The following RIMOC1 variants were observed in gnomAD, a reference collection of about 807,000 sequenced individuals.
RIMOC1 encodes the protein RAB7A interacting MON1-CCZ1 complex subunit 1, also known as RAB7A-interacting MON1-CCZ1 complex subunit 1.
the RIMOC1 span, among the ~76,000 whole-genome samples, chr5:41,912,690 C>T: frequency 1.3e-5 from 2 of 152,174 alleles, no homozygotes; most frequent in African/African-American, 2.4e-5. Context: ...CTCACTATCA[C>T]GAGAACAGAA....
chr5:41,908,510 A>G, the RIMOC1 span: 1 of 152,146 alleles, frequency 6.6e-6, no homozygotes, highest in Non-Finnish European at 1.5e-5. Flanking sequence ...ACACTTAGTT[A>G]GGCTTCCAAA....
At chr5:41,911,389 T>C in the RIMOC1 span, 4 of 347,180 alleles carry the variant, frequency 1.2e-5, no homozygotes, top group East Asian at 2.0e-4. Flanking sequence ...TCTGCGAAGT[T>C]CTTTTTTTAA....
the RIMOC1 span, chr5:41,911,154 T>C: frequency 1.2e-6 from 2 of 1,605,560 alleles, no homozygotes; most frequent in Non-Finnish European, 1.7e-6. Context: ...GAGTGGCTCT[T>C]AAGAAAATCC....
At chr5:41,911,917 G>A in the RIMOC1 span, 2 of 604,726 alleles carry the variant, frequency 3.3e-6, no homozygotes, top group Non-Finnish European at 5.8e-6. Context: ...TTGGGATGGT[G>A]GGTCTTTATA....
the RIMOC1 span, chr5:41,907,915 A>G: frequency 1.2e-6 from 1 of 854,674 alleles, no homozygotes; most frequent in Non-Finnish European, 1.8e-6. Context: ...CTCCAACTTT[A>G]GGTAAAATGA....
At chr5:41,907,296 G>A in the RIMOC1 span, among the ~76,000 whole-genome samples, 2 of 152,098 alleles carry the variant, frequency 1.3e-5, no homozygotes, top group Non-Finnish European at 2.9e-5. Context: ...ATTTGATTTG[G>A]TCAATCATGG....
At chr5:41,920,056 A>C in the RIMOC1 span, 20 of 152,174 alleles carry the variant, frequency 1.3e-4, no homozygotes, top group Non-Finnish European at 2.5e-4. Context: ...CTGACAAGGC[A>C]TATAGGGATA....
chr5:41,918,580 G>T, the RIMOC1 span: 174 of 985,344 alleles, frequency 1.8e-4, no homozygotes, highest in Middle Eastern at 5.2e-4. Context: ...CCTTTTCGGG[G>T]ATGCTGAGTT....
the RIMOC1 span, chr5:41,908,501 C>T: frequency 1.3e-5 from 2 of 152,084 alleles, no homozygotes; most frequent in Non-Finnish European, 2.9e-5. Context: ...AAGTACAGTA[C>T]ACTTAGTTAG....
chr5:41,912,028 C>A, the RIMOC1 span: 2 of 1,152,014 alleles, frequency 1.7e-6, no homozygotes, highest in Non-Finnish European at 2.6e-6. Flanking sequence ...TATATCTCTG[C>A]ATATAATACT....
At chr5:41,908,313 C>CT in the RIMOC1 span, 1 of 153,032 alleles carries the variant, frequency 6.5e-6, no homozygotes, top group African/African-American at 2.4e-5. Flanking sequence ...AATCAGGCTG[C>CT]TGTGTGGACA....
At chr5:41,921,257 T>G in the RIMOC1 span, 34 of 152,604 alleles carry the variant, frequency 2.2e-4, no homozygotes, top group Non-Finnish European at 4.7e-4. Flanking sequence ...AAGGCATTCT[T>G]AGATTCATTT....
the RIMOC1 span, chr5:41,907,942 A>T: frequency 1.4e-6 from 1 of 715,780 alleles, no homozygotes; most frequent in African/African-American, 1.9e-5. Flanking sequence ...TTTATTCTAT[A>T]TTTCAAGTGT....
chr5:41,917,817 T>C, the RIMOC1 span: 1 of 844,184 alleles, frequency 1.2e-6, no homozygotes, highest in Non-Finnish European at 1.4e-6. Context: ...TAATGAAAGA[T>C]CTCACAAAGG....
At chr5:41,904,721 G>T in the RIMOC1 span, among the ~76,000 whole-genome samples, 4 of 152,156 alleles carry the variant, frequency 2.6e-5, no homozygotes, top group African/African-American at 9.7e-5. Context: ...ATCCGTGCTG[G>T]TGTAAACTGT....
the RIMOC1 span, among the ~76,000 whole-genome samples, chr5:41,906,888 C>CT: frequency 3.9e-5 from 6 of 152,140 alleles, no homozygotes; most frequent in Admixed American, 2.0e-4. Flanking sequence ...GAATATCAGA[C>CT]TATGTTTCAG....
the RIMOC1 span, among the ~76,000 whole-genome samples, chr5:41,910,263 A>C: frequency 6.6e-6 from 1 of 151,774 alleles, no homozygotes; most frequent in Non-Finnish European, 1.5e-5. Context: ...CCCCTTCTTA[A>C]TGTTGATCAC....
At chr5:41,914,811 C>A in the RIMOC1 span, among the ~76,000 whole-genome samples, 2 of 152,036 alleles carry the variant, frequency 1.3e-5, no homozygotes, top group African/African-American at 4.8e-5. Context: ...ATGTATCTAT[C>A]TGAACACGAT....
the RIMOC1 span, among the ~76,000 whole-genome samples, chr5:41,910,492 T>A: frequency 6.6e-6 from 1 of 151,982 alleles, no homozygotes; most frequent in Non-Finnish European, 1.5e-5. Context: ...TTTGTATATC[T>A]AGTCCTGGAT....
Sources: allele counts gnomAD v4.1 joint callset (sites outside exome capture counted in the v4.1 genomes callset), GRCh38; gene constraint gnomAD v4.1.1; transcripts MANE v1.5; gene names NCBI Gene and HGNC (gene_info 2026-07-23, HGNC 2026-07-21).